TUBGCP3: variants seen among roughly 807,000 people sequenced by gnomAD.
TUBGCP3 encodes the protein gamma-tubulin complex component 3.
A neutral mutation model predicts 123.1 loss-of-function variants in TUBGCP3; 50 were observed. The observed-to-expected ratio is 0.41, with a 90% confidence interval of 0.32 to 0.51. The LOEUF is 0.51. Ranked by LOEUF, TUBGCP3 falls within the 20% of genes least tolerant of loss-of-function variation. TUBGCP3 has a pLI of 0.36. For synonymous variants in TUBGCP3, 405 were observed against 413.9 expected (o/e 0.98, Z 0.26); for missense variants, 882 against 1,127.0 (o/e 0.78, Z 3.11).
chr13:112,566,444 C>T (rs1880957673), intron 2 of TUBGCP3, among the ~76,000 whole-genome samples: 1 of 152,132 alleles, frequency 6.6e-6, no homozygotes, highest in Non-Finnish European at 1.5e-5. Context: ...TACAGCCAAC[C>T]CCATATTCTT....
chr13:112,551,242 G>GGCA (rs1879561949), intron 8 of TUBGCP3, among the ~76,000 whole-genome samples: 1 of 152,228 alleles, frequency 6.6e-6, no homozygotes, highest in Admixed American at 6.5e-5. Context: ...GGCAGAGCGC[G>GGCA]GCAGCGCCAC....
At chr13:112,595,088 T>C in the TUBGCP3 span, among the ~76,000 whole-genome samples, 1 of 152,256 alleles carries the variant, frequency 6.6e-6, no homozygotes, top group African/African-American at 2.4e-5. Context: ...AGTTGTTCTC[T>C]GTCCTTGTGA....
At chr13:112,515,060 TA>T (rs1875990535) in intron 17 of TUBGCP3, among the ~76,000 whole-genome samples, 1 of 152,170 alleles carries the variant, frequency 6.6e-6, no homozygotes, top group South Asian at 2.1e-4. Context: ...TTATAAATAA[TA>T]AAATATGCAT....
intron 21 of TUBGCP3, among the ~76,000 whole-genome samples, chr13:112,488,666 C>T (rs1361015162): frequency 8.7e-5 from 13 of 148,984 alleles, no homozygotes; most frequent in Non-Finnish European, 1.9e-4. Flanking sequence ...CCACATCCCA[C>T]CACAGGGGAG....
At chr13:112,528,962 C>T (rs1169422586) in intron 11 of TUBGCP3, among the ~76,000 whole-genome samples, 1 of 152,160 alleles carries the variant, frequency 6.6e-6, no homozygotes, top group South Asian at 2.1e-4. Context: ...AGCCATCCTC[C>T]CACCTCAGCC....
At chr13:112,560,258 G>A (rs971474597) in intron 3 of TUBGCP3, among the ~76,000 whole-genome samples, 7 of 151,486 alleles carry the variant, frequency 4.6e-5, no homozygotes, top group Non-Finnish European at 7.4e-5. Context: ...GTGAAACCCC[G>A]TCTCTACTAA....
At chr13:112,527,180 C>T (rs1202568428) in intron 12 of TUBGCP3, 130 bp from the exon 13 acceptor site, 18 of 831,024 alleles carry the variant, frequency 2.2e-5, no homozygotes, top group African/African-American at 3.4e-5. Context: ...CAGTATGGAG[C>T]GAATTCTAGT....
chr13:112,488,839 G>A (rs1594389720), intron 21 of TUBGCP3, among the ~76,000 whole-genome samples: 1 of 142,784 alleles, frequency 7.0e-6, no homozygotes, highest in East Asian at 2.2e-4. Flanking sequence ...ACCCACCACA[G>A]GGGAGCACAG....
chr13:112,573,686 C>T (rs972912085), intron 1 of TUBGCP3, among the ~76,000 whole-genome samples: 7 of 152,298 alleles, frequency 4.6e-5, no homozygotes, highest in South Asian at 2.1e-4. Flanking sequence ...CTCCACCTTC[C>T]GAAAGCAATC....
intron 17 of TUBGCP3, among the ~76,000 whole-genome samples, chr13:112,505,802 C>T (rs1881259235): frequency 1.3e-5 from 2 of 152,152 alleles, no homozygotes; most frequent in African/African-American, 4.8e-5. Context: ...GCACAGATTC[C>T]ACTAACAGGC....
intron 11 of TUBGCP3, among the ~76,000 whole-genome samples, chr13:112,528,066 C>G (rs574375971): frequency 6.0e-4 from 91 of 152,354 alleles, no homozygotes; most frequent in African/African-American, 1.9e-3. Context: ...CATCTGTGCT[C>G]AGGAGCTTTC....
rs1344202587 is a variant in TUBGCP3, at chr13:112,569,179, A to G, written c.157T>C (p.Leu53=). Residue 53 remains leucine, a synonymous_variant, in exon 2 of 22, where the codon TTA becomes CTA. Transcript: ENST00000261965. ...FAPTVERDEF[L]VAEKIKKELI... The stretch of plus-strand genomic sequence containing the variant: ...TCTTTCTTGATTTTTTCAGCTACTA[A>G]AAATTCATCTCTTTCAACAGTTGGG... The G allele has an allele frequency of 1.5e-5, 24 of 1,614,058 alleles. No individual in the cohort carries two copies. Among genetic ancestry groups the G allele is most frequent in the Non-Finnish European group, 2.0e-5 (24 of 1,180,046 alleles).
At position 112,554,090 on chromosome 13, in the gene TUBGCP3, C is replaced by G; in HGVS notation, c.933G>C (p.Arg311Ser). The G allele has an allele frequency of 6.2e-7, 1 of 1,614,136 alleles. No individual in the cohort carries two copies. The stretch of plus-strand genomic sequence containing the variant: ...CGAGTCCGAATGAGCGGTCCAGGCT[C>G]CTCTGGTCCGTGTATCTTCTGATTT... ...HNKIRRYTDQ[R>S]SLDRSFGLVG... Residue 311 changes from arginine to serine, a missense_variant, in exon 8 of 22, where the codon AGG becomes AGC. By Grantham distance (110) the Arg-to-Ser change is moderately radical. Transcript: ENST00000261965.
the TUBGCP3 span, among the ~76,000 whole-genome samples, chr13:112,595,995 A>G: frequency 1.3e-5 from 2 of 152,136 alleles, no homozygotes; most frequent in Admixed American, 1.3e-4. Context: ...GCTACTTTAC[A>G]TGTACATAAC....
chr13:112,595,803 G>A, the TUBGCP3 span, among the ~76,000 whole-genome samples: 1 of 151,928 alleles, frequency 6.6e-6, no homozygotes, highest in African/African-American at 2.4e-5. Flanking sequence ...TACATTTGAT[G>A]TAATTTGATA....
chr13:112,552,222 T>C (rs1461922372), intron 8 of TUBGCP3, among the ~76,000 whole-genome samples: 1 of 152,258 alleles, frequency 6.6e-6, no homozygotes, highest in African/African-American at 2.4e-5. Context: ...AATATCTACA[T>C]AATGGTTTAG....
chr13:112,550,869 C>A (rs569192354), intron 8 of TUBGCP3, among the ~76,000 whole-genome samples: 1 of 152,142 alleles, frequency 6.6e-6, no homozygotes, highest in Non-Finnish European at 1.5e-5. Flanking sequence ...GAGGCCAAGG[C>A]GGGCAGATCA....
intron 11 of TUBGCP3, among the ~76,000 whole-genome samples, chr13:112,530,272 T>C (rs1877470145): frequency 6.6e-6 from 1 of 152,274 alleles, no homozygotes; most frequent in South Asian, 2.1e-4. Context: ...GCATATATTA[T>C]ACTTCTAATA....
chr13:112,524,811 CT>C lies in TUBGCP3; in HGVS notation c.1555+2130del, dbSNP rs1285871967. ...CCAAAATCTCTATATTCGGCCCTGA[CT>C]TTTAACCAGAGTTTCAGTATAGCAT... On this transcript the variant is annotated intron_variant, in intron 13 of 21. Coordinates refer to ENST00000261965, the MANE Select transcript of TUBGCP3 (RefSeq NM_006322.6). The surrounding 1 kb of genome is among the most constrained non-coding windows in gnomAD (Gnocchi z 4.4). Among the ~76,000 whole-genome samples, 1 of 152,200 alleles carries C rather than the reference CT, an allele frequency of 6.6e-6. No homozygotes were observed. The highest frequency in any genetic ancestry group is 2.4e-5 in the African/African-American group (1 of 41,458).
Sources: allele counts gnomAD v4.1 joint callset (sites outside exome capture counted in the v4.1 genomes callset), GRCh38; gene constraint gnomAD v4.1.1; non-coding constraint Gnocchi (gnomAD v3.1); transcripts MANE v1.5; gene names NCBI Gene and HGNC (gene_info 2026-07-23, HGNC 2026-07-21).